Variants in VWC2 observed in about 807,000 individuals in gnomAD.
The protein encoded by VWC2 is von Willebrand factor C domain containing 2.
A neutral mutation model predicts 29.8 loss-of-function variants in VWC2; 14 were observed. The ratio of observed to expected loss-of-function variants is 0.47; its 90% CI spans 0.31 to 0.74. The LOEUF is 0.74. VWC2 is among the 30% of genes least tolerant of loss of function. VWC2 has a pLI of 0.05. For missense variants in VWC2, 457 were observed against 459.8 expected, an observed-to-expected ratio of 0.99 and a Z score of 0.05; for synonymous variants, 213 against 199.0, an observed-to-expected ratio of 1.07 and a Z score of -0.59.
At chr7:49,874,536 G>A (rs775916053) in intron 3 of VWC2, among the ~76,000 whole-genome samples, 12 of 134,028 alleles carry the variant, frequency 9.0e-5, no homozygotes, top group Non-Finnish European at 1.4e-4. Context: ...GTTACATGAC[G>A]CATGACTATA....
intron 2 of VWC2, among the ~76,000 whole-genome samples, chr7:49,796,964 T>C (rs1202271133): frequency 2.6e-5 from 4 of 152,218 alleles, no homozygotes; most frequent in Non-Finnish European, 5.9e-5. Context: ...TCATTTTTCA[T>C]TTAAGAAGTG....
At chr7:49,847,719 G>A (rs970081936) in intron 3 of VWC2, among the ~76,000 whole-genome samples, 2 of 152,190 alleles carry the variant, frequency 1.3e-5, no homozygotes, top group African/African-American at 4.8e-5. Context: ...GGGTGAGGCG[G>A]GCTTAGGATT....
intron 3 of VWC2, among the ~76,000 whole-genome samples, chr7:49,842,361 T>G (rs77560499): frequency 6.6e-6 from 1 of 152,356 alleles, no homozygotes; most frequent in Non-Finnish European, 1.5e-5. Flanking sequence ...TAAAAGTTAC[T>G]AAAACGTCAT....
intron 3 of VWC2, among the ~76,000 whole-genome samples, chr7:49,833,576 G>A (rs570550649): frequency 1.3e-5 from 2 of 152,274 alleles, no homozygotes; most frequent in East Asian, 1.9e-4. Flanking sequence ...TGGGAGTGAG[G>A]AAAAATGAGG....
At chr7:49,890,738 A>C (rs1792093023) in intron 3 of VWC2, among the ~76,000 whole-genome samples, 1 of 152,140 alleles carries the variant, frequency 6.6e-6, no homozygotes, top group Non-Finnish European at 1.5e-5. Context: ...AACAAAAAAA[A>C]AAAAAACTGA....
chr7:49,819,919 G>T (rs1012012034), intron 3 of VWC2, among the ~76,000 whole-genome samples: 1 of 152,234 alleles, frequency 6.6e-6, no homozygotes, highest in South Asian at 2.1e-4. Context: ...TAGAGGGAGG[G>T]CATTGAGCTT....
intron 2 of VWC2, among the ~76,000 whole-genome samples, chr7:49,794,000 T>C (rs987657196): frequency 6.6e-6 from 1 of 152,188 alleles, no homozygotes; most frequent in Non-Finnish European, 1.5e-5. Context: ...TTCTGTGGAC[T>C]AGCCAACACC....
intron 3 of VWC2, among the ~76,000 whole-genome samples, chr7:49,898,135 A>ATG (rs1189734778): frequency 1.3e-5 from 2 of 151,396 alleles, no homozygotes; most frequent in African/African-American, 2.4e-5. Flanking sequence ...GTGTGTATGT[A>ATG]TGTGTGTGTG....
intron 3 of VWC2, among the ~76,000 whole-genome samples, chr7:49,880,033 T>C (rs573619349): frequency 6.6e-6 from 1 of 152,314 alleles, no homozygotes; most frequent in South Asian, 2.1e-4. Context: ...GAGCATCATT[T>C]TCTCCCAACT....
Position 49,912,887 on chromosome 7 carries a change from C to A in VWC2, c.*702C>A, listed in dbSNP as rs996670399. 1 of 152,144 alleles carries A rather than the reference C, an allele frequency of 6.6e-6. No homozygotes were observed. The highest frequency in any genetic ancestry group is 2.4e-5 in the African/African-American group (1 of 41,432). The allele number at this position is 152,144 out of a possible 1,614,324, so 9.4% of individuals were successfully genotyped here. ...CATAGGTAAGCACATACATATATTT[C>A]ATTCTTATTTACATTATTTTCTCTT... On this transcript the variant is annotated 3_prime_UTR_variant, in exon 4 of 4. Transcript: ENST00000340652.
At chr7:49,891,864 T>A (rs1234801347) in intron 3 of VWC2, among the ~76,000 whole-genome samples, 1 of 152,144 alleles carries the variant, frequency 6.6e-6, no homozygotes, top group African/African-American at 2.4e-5. Flanking sequence ...TACTCTAACT[T>A]TCTGCTATTG....
intron 3 of VWC2, among the ~76,000 whole-genome samples, chr7:49,900,459 A>G (rs1410351036): frequency 6.6e-6 from 1 of 151,760 alleles, no homozygotes; most frequent in African/African-American, 2.4e-5. Context: ...TTGCTATAAG[A>G]AACAAAAGAG....
At chr7:49,774,850 A>T (rs1788016257) in intron 1 of VWC2, among the ~76,000 whole-genome samples, 1 of 152,216 alleles carries the variant, frequency 6.6e-6, no homozygotes, top group Non-Finnish European at 1.5e-5. Flanking sequence ...GCATTTTCCC[A>T]GCACAACCCC....
chr7:49,839,033 T>TGG (rs1464091488), intron 3 of VWC2, among the ~76,000 whole-genome samples: 49 of 152,002 alleles, frequency 3.2e-4, no homozygotes, highest in African/African-American at 1.2e-3. Flanking sequence ...CTGATAGGAG[T>TGG]GGGGCCTTTA....
intron 3 of VWC2, among the ~76,000 whole-genome samples, chr7:49,874,597 G>C (rs1791320152): frequency 6.6e-6 from 1 of 152,144 alleles, no homozygotes; most frequent in Non-Finnish European, 1.5e-5. Flanking sequence ...TGGAGAGAAA[G>C]AGAGAAATAT....
intron 3 of VWC2, among the ~76,000 whole-genome samples, chr7:49,808,857 A>G (rs1329292608): frequency 1.3e-5 from 2 of 152,036 alleles, no homozygotes; most frequent in Non-Finnish European, 2.9e-5. Context: ...AGAATGCACT[A>G]TAGATTATTG....
At chr7:49,872,101 A>C (rs1791184405) in intron 3 of VWC2, among the ~76,000 whole-genome samples, 1 of 152,156 alleles carries the variant, frequency 6.6e-6, no homozygotes, top group Non-Finnish European at 1.5e-5. Flanking sequence ...TATACTATGA[A>C]ACAGAAACCT....
At position 49,920,084 on chromosome 7, in the gene VWC2, T is replaced by C. The variant is rs1005000078; in HGVS notation, c.*7899T>C. On this transcript the variant is annotated 3_prime_UTR_variant, in exon 4 of 4. Coordinates refer to ENST00000340652, the MANE Select transcript of VWC2 (RefSeq NM_198570.5). Reference sequence around the variant, plus strand: ...GCATACCTACATTTCAGAGGACAAATCATGTTATTATAATAACCAGGAGAG... The same window carrying C: ...GCATACCTACATTTCAGAGGACAAACCATGTTATTATAATAACCAGGAGAG... The C allele has an allele frequency of 3.3e-5, 5 of 152,026 alleles. No individual in the cohort carries two copies. The highest frequency in any genetic ancestry group is 1.2e-4 in the African/African-American group (5 of 41,384). 9.4% of individuals were successfully genotyped at this position (152,026 alleles called of 1,614,324 possible). A position where few individuals can be genotyped will look rare whatever the true frequency, so the allele number is the denominator to read the frequency against.
rs1241972460 is a variant in VWC2 at position 49,775,737 on chromosome 7, G to A, written c.302G>A (p.Gly101Asp). Residue 101 changes from glycine (G) to aspartate (D), a missense_variant, in exon 2 of 4, where the codon GGC becomes GAC. Transcript: ENST00000340652. ...CTGAAGCAGGCCTGGGTCTCCCAGG[G>A]CGGGGGCGCCAAGGCCGGGGATCTG... ...SKLKQAWVSQ[G>D]GGAKAGDLQV... The A allele has an allele frequency of 1.3e-6, 2 of 1,513,330 alleles. No individual in the cohort carries two copies. The highest frequency in any genetic ancestry group is 2.5e-5 in the East Asian group (1 of 39,520). 93.7% of individuals were successfully genotyped at this position (1,513,330 alleles called of 1,614,324 possible).
Sources: gnomAD v4.1 joint callset for allele counts (sites outside exome capture counted in the v4.1 genomes callset) on GRCh38, gnomAD v4.1.1 for gene constraint, MANE v1.5 for transcripts, NCBI Gene and HGNC (gene_info 2026-07-23, HGNC 2026-07-21) for gene names.